ZFYVE28: variants seen among roughly 807,000 people sequenced by gnomAD.
ZFYVE28 encodes zinc finger FYVE-type containing 28, also known as lateral signaling target protein 2 homolog.
ZFYVE28 carries 40 observed loss-of-function variants against 82.1 expected under a neutral mutation model. That is an observed-to-expected ratio of 0.49 (90% CI 0.38 to 0.63). ZFYVE28 has a LOEUF of 0.63. Ranked by LOEUF, ZFYVE28 falls within the 30% of genes least tolerant of loss-of-function variation. The probability of loss-of-function intolerance (pLI) is 0.00; values close to 1 mark genes in which losing one functional copy is unlikely to be tolerated. For missense variants in ZFYVE28, 1,321 were observed against 1,242.1 expected (o/e 1.06, Z -0.96); for synonymous variants, 612 against 546.1 (o/e 1.12, Z -1.68).
chr4:2,412,069 G>A (rs1732578789), intron 1 of ZFYVE28, among the ~76,000 whole-genome samples: 5 of 152,222 alleles, frequency 3.3e-5, no homozygotes, highest in Non-Finnish European at 5.9e-5. Context: ...CAGGGGCAGG[G>A]CGCATCCTTC....
At chr4:2,303,475 C>G (rs1447156652) in intron 8 of ZFYVE28, among the ~76,000 whole-genome samples, 4 of 152,226 alleles carry the variant, frequency 2.6e-5, no homozygotes, top group African/African-American at 4.8e-5. Context: ...TGTCCTCCGT[C>G]TCTCTTCCAG....
intron 6 of ZFYVE28, among the ~76,000 whole-genome samples, chr4:2,328,147 G>A: frequency 6.6e-6 from 1 of 152,174 alleles, no homozygotes; most frequent in East Asian, 1.9e-4. Flanking sequence ...GCTAAGTTAT[G>A]AAATCAACCT....
intron 7 of ZFYVE28, among the ~76,000 whole-genome samples, chr4:2,306,513 T>C (rs1298763635): frequency 1.3e-5 from 2 of 152,224 alleles, no homozygotes; most frequent in Non-Finnish European, 2.9e-5. Context: ...AAATGGGAAT[T>C]CTCAGTCTAC....
chr4:2,318,712 G>C (rs943711968), intron 7 of ZFYVE28, among the ~76,000 whole-genome samples: 3 of 152,054 alleles, frequency 2.0e-5, no homozygotes, highest in African/African-American at 7.2e-5. Flanking sequence ...CCCACATCAG[G>C]GCCCCTGGGT....
chr4:2,406,775 G>A (rs1046474239), intron 1 of ZFYVE28: 3 of 152,252 alleles, frequency 2.0e-5, no homozygotes, highest in African/African-American at 7.2e-5. Context: ...TACAGCTTTA[G>A]TTTTTGCTTT....
intron 1 of ZFYVE28, among the ~76,000 whole-genome samples, chr4:2,399,054 G>A (rs947887910): frequency 2.4e-5 from 3 of 122,920 alleles, no homozygotes; most frequent in Non-Finnish European, 5.0e-5. Context: ...GGGCACAAGC[G>A]TGGAGGTGAG....
intron 6 of ZFYVE28, among the ~76,000 whole-genome samples, chr4:2,327,588 G>T (rs1202883740): frequency 1.3e-5 from 2 of 151,800 alleles, no homozygotes; most frequent in Non-Finnish European, 2.9e-5. Context: ...TTTTCACTCA[G>T]TGGTACCCTT....
rs1722376542 is a variant in ZFYVE28 at position 2,339,360 on chromosome 4, T to C, written c.521+93A>G. The C allele has an allele frequency of 1.0e-5, 15 of 1,430,594 alleles. No homozygotes were observed. The highest frequency in any genetic ancestry group is 1.4e-5 in the Non-Finnish European group (15 of 1,052,844). The allele number at this position is 1,430,594 out of a possible 1,614,324, so 88.6% of individuals were successfully genotyped here. A position where few individuals can be genotyped will look rare whatever the true frequency, so the allele number is the denominator to read the frequency against. On this transcript the variant is annotated intron_variant, in intron 4 of 12. Transcript: ENST00000290974. The surrounding 1 kb of genome is among the most constrained non-coding windows in gnomAD (Gnocchi z 5.0). ...TGCCTGGCTCCTCCCTCTGTGGAAT[T>C]TTCCAGCTTGAAGTATCAGGGTGAG...
intron 1 of ZFYVE28, among the ~76,000 whole-genome samples, chr4:2,365,521 A>AG (rs1726779801): frequency 6.6e-6 from 1 of 151,952 alleles, no homozygotes; most frequent in African/African-American, 2.4e-5. Context: ...CCTGGCCCAC[A>AG]GACTCTCTCC....
At chr4:2,395,021 G>A (rs1483462450) in intron 1 of ZFYVE28, among the ~76,000 whole-genome samples, 6 of 152,258 alleles carry the variant, frequency 3.9e-5, no homozygotes, top group East Asian at 1.9e-4. Context: ...GGCACAGGGT[G>A]TAGTAAGGTG....
intron 8 of ZFYVE28, among the ~76,000 whole-genome samples, chr4:2,295,360 G>C (rs1208169319): frequency 6.6e-6 from 1 of 151,402 alleles, no homozygotes; most frequent in Non-Finnish European, 1.5e-5. Flanking sequence ...TAGTAAAGAC[G>C]GGGTTTTACC....
Position 2,335,759 on chromosome 4 carries a change from A to G in ZFYVE28, c.647T>C (p.Ile216Thr). 2.5e-6 allele frequency: 4 copies of G among 1,571,814 alleles called. No homozygotes were observed. The highest frequency in any genetic ancestry group is 3.5e-6 in the Non-Finnish European group (4 of 1,158,466). The change falls in exon 6 of 13, where the codon ATT becomes ACT. Residue 216 changes from isoleucine to threonine, a missense_variant. Coordinates refer to ENST00000290974, the MANE Select transcript of ZFYVE28 (RefSeq NM_020972.3). The surrounding 1 kb of genome is among the most constrained non-coding windows in gnomAD (Gnocchi z 5.8). ...CATGAGGGCCGGCTCGTAGTCATCA[A>G]TCATGTCCTGAGTCAGGTACCCGAA... Reference protein sequence around the residue: ...LDFGYLTQDMIDDYEPALMFS... With the variant: ...LDFGYLTQDMTDDYEPALMFS...
At chr4:2,289,709 G>A (rs1045247015) in intron 8 of ZFYVE28, among the ~76,000 whole-genome samples, 2 of 152,212 alleles carry the variant, frequency 1.3e-5, no homozygotes, top group Non-Finnish European at 2.9e-5. Context: ...GTAAACTGAG[G>A]TGCTGGGAGG....
At chr4:2,285,068 A>G (rs563218723) in intron 8 of ZFYVE28, among the ~76,000 whole-genome samples, 1 of 152,360 alleles carries the variant, frequency 6.6e-6, no homozygotes, top group South Asian at 2.1e-4. Context: ...GTGGGCCCTA[A>G]GCCAACTTGA....
At chr4:2,405,957 G>C (rs1731844164) in intron 1 of ZFYVE28, among the ~76,000 whole-genome samples, 1 of 151,516 alleles carries the variant, frequency 6.6e-6, no homozygotes. Context: ...GCTGAGGCAG[G>C]AGGATCACTT....
At chr4:2,330,015 C>T (rs1720424138) in intron 6 of ZFYVE28, 1 of 152,788 alleles carries the variant, frequency 6.5e-6, no homozygotes, top group South Asian at 2.1e-4. Flanking sequence ...GTGGGGGAGA[C>T]ACAAAAATAA....
chr4:2,351,578 G>C (rs1406867177), intron 2 of ZFYVE28, among the ~76,000 whole-genome samples: 1 of 152,178 alleles, frequency 6.6e-6, no homozygotes, highest in African/African-American at 2.4e-5. Flanking sequence ...GCAGGGCATG[G>C]TGGCGCATGC....
rs1724456314 is a variant in ZFYVE28 at position 2,351,584 on chromosome 4, CAT to C, written c.180+2347_180+2348del. ...CAAAAATTAGCAGGGCATGGTGGCGCATGCCTGTAATCCCAGCTACTCAGGAG... is the reference window on the plus strand; with the variant it reads ...CAAAAATTAGCAGGGCATGGTGGCGCGCCTGTAATCCCAGCTACTCAGGAG... On this transcript the variant is annotated intron_variant, in intron 2 of 12. Coordinates refer to ENST00000290974, the MANE Select transcript of ZFYVE28 (RefSeq NM_020972.3). 4.6e-5 allele frequency among the ~76,000 whole-genome samples: 7 copies of C among 152,148 alleles called. No homozygotes were observed. In the South Asian group the frequency reaches 8.3e-4, roughly 18 times the overall value.
Position 2,304,510 on chromosome 4 carries a change from C to G in ZFYVE28, c.1830G>C (p.Gln610His). Residue 610 changes from glutamine to histidine, a missense_variant, in exon 8 of 13, where the codon CAG becomes CAC. Physicochemically the swap from Gln to His is conservative, Grantham distance 24 (BLOSUM62 0). This residue lies in a region of ZFYVE28 where 978 missense variants were observed against 833.7 expected (regional missense o/e 1.17). Coordinates refer to ENST00000290974, the MANE Select transcript of ZFYVE28 (RefSeq NM_020972.3). ...AKASDRAPER[Q>H]EEAPPPSEDA... Reference sequence around the variant, plus strand: ...CTTCTGAGGGTGGGGGCGCCTCCTCCTGTCTCTCAGGGGCCCTGTCGCTGG... The same window carrying G: ...CTTCTGAGGGTGGGGGCGCCTCCTCGTGTCTCTCAGGGGCCCTGTCGCTGG... 1 of 1,612,622 alleles carries G rather than the reference C, an allele frequency of 6.2e-7. No homozygotes were observed. Among genetic ancestry groups the G allele is most frequent in the Non-Finnish European group, 8.5e-7 (1 of 1,179,592 alleles).
Sources: allele counts gnomAD v4.1 joint callset (sites outside exome capture counted in the v4.1 genomes callset), GRCh38; gene constraint gnomAD v4.1.1; regional missense constraint gnomAD v4.1.1; non-coding constraint Gnocchi (gnomAD v3.1); transcripts MANE v1.5; gene names NCBI Gene and HGNC (gene_info 2026-07-23, HGNC 2026-07-21).